The following TRPM3 variants were observed in gnomAD, a reference collection of about 807,000 sequenced individuals.
TRPM3 encodes the protein long transient receptor potential channel 3.
A neutral mutation model predicts 181.2 loss-of-function variants in TRPM3; 77 were observed. That is an observed-to-expected ratio of 0.42 (90% CI 0.35 to 0.51). The LOEUF is 0.51. Among genes scored for constraint, TRPM3 ranks in the 20% least tolerant of loss-of-function variants. The probability of loss-of-function intolerance (pLI) is 0.01; values close to 1 mark genes in which losing one functional copy is unlikely to be tolerated. For synonymous variants in TRPM3, 745 were observed against 796.4 expected (o/e 0.94, Z 1.09); for missense variants, 1,759 against 2,196.7 (o/e 0.80, Z 3.98).
intron 1 of TRPM3, among the ~76,000 whole-genome samples, chr9:71,370,056 A>G (rs1305019449): frequency 6.6e-6 from 1 of 152,208 alleles, no homozygotes; most frequent in Non-Finnish European, 1.5e-5. Context: ...CCATACCCAC[A>G]TAACATGATG....
At chr9:71,388,170 G>A (rs1474579095) in intron 1 of TRPM3, among the ~76,000 whole-genome samples, 6 of 152,140 alleles carry the variant, frequency 3.9e-5, no homozygotes, top group Admixed American at 6.6e-5. Flanking sequence ...GATGAGCTAA[G>A]AGGAAAAAAC....
chr9:71,143,083 T>A (rs2075212276), intron 1 of TRPM3, among the ~76,000 whole-genome samples: 1 of 146,376 alleles, frequency 6.8e-6, no homozygotes, highest in Admixed American at 6.9e-5. Context: ...CATGATCACA[T>A]CACTGCACTC....
intron 1 of TRPM3, among the ~76,000 whole-genome samples, chr9:71,280,468 C>A (rs1217967347): frequency 6.6e-6 from 1 of 151,944 alleles, no homozygotes; most frequent in Non-Finnish European, 1.5e-5. Context: ...TAAGTCAGCA[C>A]CCTTCCCCTT....
intron 1 of TRPM3, among the ~76,000 whole-genome samples, chr9:71,137,323 T>A (rs962684289): frequency 3.9e-5 from 6 of 152,198 alleles, no homozygotes; most frequent in Non-Finnish European, 7.4e-5. Context: ...ATATCGCTTC[T>A]CCCTTTGTAG....
intron 1 of TRPM3, among the ~76,000 whole-genome samples, chr9:71,412,683 A>G (rs1422611540): frequency 6.6e-6 from 1 of 152,218 alleles, no homozygotes; most frequent in Admixed American, 6.5e-5. Flanking sequence ...TGGGGAAGAC[A>G]GTGTGGTGAT....
At chr9:70,924,066 G>C (rs866062394) in intron 1 of TRPM3, among the ~76,000 whole-genome samples, 6 of 151,472 alleles carry the variant, frequency 4.0e-5, no homozygotes, top group Non-Finnish European at 5.9e-5. Context: ...CAATTTTGCT[G>C]TCTCCCGTCT....
intron 20 of TRPM3, 55 bp from the exon 21 acceptor site, chr9:70,598,725 C>T (rs1589094969): frequency 6.3e-7 from 1 of 1,581,038 alleles, no homozygotes; most frequent in Non-Finnish European, 8.6e-7. Context: ...GTATTTTCAG[C>T]CCAGTTGGGA....
At chr9:71,059,291 T>G (rs1232635725) in intron 1 of TRPM3, among the ~76,000 whole-genome samples, 2 of 151,996 alleles carry the variant, frequency 1.3e-5, no homozygotes, top group Non-Finnish European at 2.9e-5. Flanking sequence ...TCAGGCCTCC[T>G]GCTCGCAAGA....
At chr9:71,152,415 CT>C (rs762524211) in intron 1 of TRPM3, among the ~76,000 whole-genome samples, 5 of 152,080 alleles carry the variant, frequency 3.3e-5, no homozygotes, top group Non-Finnish European at 7.4e-5. Context: ...GATTAAAAGG[CT>C]TCAACCTCAA....
chr9:70,930,662 G>A (rs968744760), intron 1 of TRPM3, among the ~76,000 whole-genome samples: 8 of 152,144 alleles, frequency 5.3e-5, no homozygotes, highest in Non-Finnish European at 1.0e-4. Context: ...TTATCAAGAA[G>A]CAATGGATGT....
At chr9:70,677,921 A>ATT (rs35877978) in intron 9 of TRPM3, among the ~76,000 whole-genome samples, 3 of 144,516 alleles carry the variant, frequency 2.1e-5, no homozygotes, top group South Asian at 2.2e-4. Flanking sequence ...ATAATAAACA[A>ATT]TTTTTTTTTT....
chr9:70,651,085 G>A (rs1260671872), intron 9 of TRPM3, among the ~76,000 whole-genome samples: 2 of 152,248 alleles, frequency 1.3e-5, no homozygotes, highest in Non-Finnish European at 2.9e-5. Flanking sequence ...AAGATCTGCA[G>A]TATAGAAAAG....
chr9:70,897,414 A>T (rs2096294031), intron 1 of TRPM3, among the ~76,000 whole-genome samples: 1 of 151,074 alleles, frequency 6.6e-6, no homozygotes, highest in Admixed American at 6.6e-5. Flanking sequence ...GCAATATTGT[A>T]CATTCTTACT....
chr9:71,194,520 G>C (rs1350664961), intron 1 of TRPM3, among the ~76,000 whole-genome samples: 1 of 151,738 alleles, frequency 6.6e-6, no homozygotes, highest in African/African-American at 2.4e-5. Context: ...AGTGAGCTTG[G>C]GCATCGTAAA....
intron 1 of TRPM3, among the ~76,000 whole-genome samples, chr9:71,187,590 A>G (rs988363950): frequency 6.6e-6 from 1 of 151,968 alleles, no homozygotes; most frequent in Non-Finnish European, 1.5e-5. Flanking sequence ...CCATTTTAGG[A>G]ATTAAAACAG....
chr9:71,079,934 G>T (rs181551759), intron 1 of TRPM3, among the ~76,000 whole-genome samples: 1 of 152,258 alleles, frequency 6.6e-6, no homozygotes, highest in East Asian at 1.9e-4. Context: ...ACTTTGGGAG[G>T]CCAAGGCGGG....
chr9:70,700,673 T>A (rs960325445), intron 8 of TRPM3, among the ~76,000 whole-genome samples: 4 of 152,210 alleles, frequency 2.6e-5, no homozygotes, highest in African/African-American at 9.6e-5. Flanking sequence ...TAGAACAATG[T>A]GTGTGTATAC....
chr9:70,793,146 G>T (rs190998881), intron 6 of TRPM3, among the ~76,000 whole-genome samples: 1 of 152,202 alleles, frequency 6.6e-6, no homozygotes, highest in African/African-American at 2.4e-5. Context: ...ACATGTTTCT[G>T]CCTCCTTATA....
intron 19 of TRPM3, among the ~76,000 whole-genome samples, chr9:70,604,297 G>A (rs751233253): frequency 2.0e-5 from 3 of 152,198 alleles, no homozygotes; most frequent in Non-Finnish European, 2.9e-5. Context: ...GAAGTGCAGG[G>A]AAACTGGTGG....
Sources: gnomAD v4.1 joint callset for allele counts (sites outside exome capture counted in the v4.1 genomes callset) on GRCh38, gnomAD v4.1.1 for gene constraint, MANE v1.5 for transcripts, NCBI Gene and HGNC (gene_info 2026-07-23, HGNC 2026-07-21) for gene names.